MYO5A: variants seen among roughly 807,000 people sequenced by gnomAD.
The protein encoded by MYO5A is myosin VA.
In MYO5A, 98 loss-of-function variants were observed where a neutral mutation model predicts 249.7. The ratio of observed to expected loss-of-function variants is 0.39; its 90% CI spans 0.33 to 0.46. MYO5A has a LOEUF of 0.46. Among genes scored for constraint, MYO5A ranks in the 20% least tolerant of loss-of-function variants. The pLI is 0.98. For missense variants in MYO5A, 1,696 were observed against 2,308.8 expected (o/e 0.73, Z 5.44); for synonymous variants, 778 against 810.6 (o/e 0.96, Z 0.68).
At chr15:52,390,269 T>C (rs2042161468) in intron 12 of MYO5A, among the ~76,000 whole-genome samples, 1 of 152,180 alleles carries the variant, frequency 6.6e-6, no homozygotes, top group Non-Finnish European at 1.5e-5. Flanking sequence ...TATAATTGGA[T>C]TGTTTGTAAC....
chr15:52,434,921 C>T (rs1226774087), intron 1 of MYO5A, among the ~76,000 whole-genome samples: 2 of 152,194 alleles, frequency 1.3e-5, no homozygotes, highest in Non-Finnish European at 2.9e-5. Context: ...CATGTAAATT[C>T]ACCTCTAGAT....
chr15:52,504,802 T>C (rs1023462721), intron 1 of MYO5A, among the ~76,000 whole-genome samples: 9 of 151,766 alleles, frequency 5.9e-5, no homozygotes, highest in African/African-American at 2.2e-4. Context: ...AGGCAGAGAA[T>C]TGCTTGGACC....
intron 36 of MYO5A, 177 bp from the exon 37 acceptor site, chr15:52,323,621 G>C: frequency 1.8e-6 from 1 of 557,284 alleles, no homozygotes; most frequent in Non-Finnish European, 3.2e-6. Flanking sequence ...TCAGCGACCA[G>C]GTTCATCAGT....
intron 1 of MYO5A, among the ~76,000 whole-genome samples, chr15:52,497,618 G>A (rs4528515): frequency 0.15 from 22,599 of 150,584 alleles, 1,804 homozygotes; most frequent in Middle Eastern, 0.22. Flanking sequence ...TTAGCCGGGC[G>A]TGGCAGTGTG....
chr15:52,436,019 G>A (rs1339968747), intron 1 of MYO5A, among the ~76,000 whole-genome samples: 1 of 152,216 alleles, frequency 6.6e-6, no homozygotes, highest in Non-Finnish European at 1.5e-5. Flanking sequence ...TGGGGTTCAA[G>A]CGATTCTCCT....
At chr15:52,381,782 T>TCTCTCTCTCTCA (rs11280608) in intron 16 of MYO5A, among the ~76,000 whole-genome samples, 1 of 137,766 alleles carries the variant, frequency 7.3e-6, no homozygotes, top group East Asian at 2.8e-4. Flanking sequence ...TCTCTCTCTC[T>TCTCTCTCTCTCA]CACACACACA....
At chr15:52,512,087 C>T (rs1383459595) in intron 1 of MYO5A, among the ~76,000 whole-genome samples, 2 of 149,836 alleles carry the variant, frequency 1.3e-5, no homozygotes, top group South Asian at 2.1e-4. Flanking sequence ...GGCGTGAACC[C>T]GGGAGGTGGA....
chr15:52,428,437 C>T lies in MYO5A; in HGVS notation c.271G>A (p.Val91Ile), dbSNP rs1258207136. The T allele has an allele frequency of 1.2e-6, 2 of 1,614,054 alleles. No individual in the cohort carries two copies. The highest frequency in any genetic ancestry group is 1.7e-6 in the Non-Finnish European group (2 of 1,180,034). Residue 91 changes from valine (V) to isoleucine (I), a missense_variant, in exon 3 of 42, where the codon GTC becomes ATC. By Grantham distance (29) the Val-to-Ile change is conservative (BLOSUM62 3). Transcript: ENST00000399233. The part of the protein sequence containing the change: ...HEPAVLHNLR[V>I]RFIDSKLIYT... ...ATAAGTTTGGAATCAATAAAGCGGA[C>T]TCTGAGATTATGGAGCACAGCAGGC...
At chr15:52,364,772 C>A in intron 23 of MYO5A, 70 bp from the exon 24 acceptor site, 3 of 1,560,218 alleles carry the variant, frequency 1.9e-6, no homozygotes, top group Admixed American at 1.7e-5. Context: ...AACATGTATA[C>A]TGATTTCCAG....
rs2037679732 is a variant in MYO5A at position 52,308,297 on chromosome 15, T to A, written c.*5399A>T. On this transcript the variant is annotated 3_prime_UTR_variant, in exon 42 of 42. Coordinates refer to ENST00000399233, the MANE Select transcript of MYO5A (RefSeq NM_001382347.1). ...TAGTATTTTTCAGTTCCTCATCTAT[T>A]GAGAAATCTACTATAATTCAGGTTG... is the stretch of plus-strand genomic sequence containing the variant. 6.6e-6 allele frequency: 1 copy of A among 152,222 alleles called. No homozygotes were observed. The highest frequency in any genetic ancestry group is 2.4e-5 in the African/African-American group (1 of 41,468). The allele number at this position is 152,222 out of a possible 1,614,324, so 9.4% of individuals were successfully genotyped here. A position where few individuals can be genotyped will look rare whatever the true frequency, so the allele number is the denominator to read the frequency against.
Position 52,397,093 on chromosome 15 carries a change from TC to T in MYO5A, c.1319+107del, listed in dbSNP as rs2042521179. ...TTCTTGAATTGTCATAGGCAAAGTT[TC>T]CCTTCTCTTTACCAGTAGGAAACAG... On this transcript the variant is annotated intron_variant, in intron 10 of 41. Coordinates refer to ENST00000399233, the MANE Select transcript of MYO5A (RefSeq NM_001382347.1). The T allele has an allele frequency of 2.7e-5, 36 of 1,342,570 alleles. 1 individual carries two copies. The Middle Eastern group carries it at 4.5e-3, about 168-fold the overall frequency. The allele number at this position is 1,342,570 out of a possible 1,614,324, so 83.2% of individuals were successfully genotyped here.
chr15:52,353,264 CAGG>C (rs1271536867), intron 27 of MYO5A, among the ~76,000 whole-genome samples: 13 of 152,180 alleles, frequency 8.5e-5, no homozygotes, highest in Non-Finnish European at 1.5e-5. Context: ...TTGTGTGAAG[CAGG>C]AGAAGTCTGG....
At chr15:52,430,808 A>C (rs1172485399) in intron 2 of MYO5A, among the ~76,000 whole-genome samples, 1 of 152,222 alleles carries the variant, frequency 6.6e-6, no homozygotes, top group East Asian at 1.9e-4. Context: ...ATGAATAAGT[A>C]ATATAGCTAA....
chr15:52,491,447 T>A (rs982587702), intron 1 of MYO5A, among the ~76,000 whole-genome samples: 2 of 152,226 alleles, frequency 1.3e-5, no homozygotes, highest in African/African-American at 4.8e-5. Context: ...CATTTCCACC[T>A]ACATCATAAT....
At chr15:52,503,379 T>C (rs539332595) in intron 1 of MYO5A, among the ~76,000 whole-genome samples, 217 of 152,228 alleles carry the variant, frequency 1.4e-3, no homozygotes, top group African/African-American at 5.0e-3. Context: ...TGCCAGCACT[T>C]TGGGAGGCCA....
chr15:52,382,494 C>G (rs559226565), intron 16 of MYO5A, among the ~76,000 whole-genome samples: 243 of 152,232 alleles, frequency 1.6e-3, no homozygotes, highest in African/African-American at 5.7e-3. Flanking sequence ...TCACTTGAAC[C>G]TGGGAGGCAG....
At chr15:52,380,333 G>A (rs538036989) in intron 16 of MYO5A, among the ~76,000 whole-genome samples, 1 of 152,130 alleles carries the variant, frequency 6.6e-6, no homozygotes, top group East Asian at 1.9e-4. Context: ...CTACTTGGGA[G>A]GCTGAGGCAG....
rs572827745 is a variant in MYO5A, at chr15:52,459,906, C to CG, written c.28-26622dup. Among the ~76,000 whole-genome samples the CG allele has an allele frequency of 5.4e-3, 812 of 150,660 alleles. 10 individuals are homozygous for CG. The highest frequency in any genetic ancestry group is 0.019 in the African/African-American group (779 of 40,738). On this transcript the variant is annotated intron_variant, in intron 1 of 41. Transcript: ENST00000399233. The stretch of plus-strand genomic sequence containing the variant: ...CTTCCCAGACGGGGCGGTTGCCGGG[C>CG]GGAGGGGCTCCTCACTTCTCAGACG...
intron 6 of MYO5A, among the ~76,000 whole-genome samples, chr15:52,409,664 A>T (rs1459320875): frequency 6.6e-6 from 1 of 152,156 alleles, no homozygotes; most frequent in Non-Finnish European, 1.5e-5. Flanking sequence ...CCCAAATCTC[A>T]CAGCATGAGG....
Sources: allele counts gnomAD v4.1 joint callset (sites outside exome capture counted in the v4.1 genomes callset), GRCh38; gene constraint gnomAD v4.1.1; transcripts MANE v1.5; gene names NCBI Gene and HGNC (gene_info 2026-07-23, HGNC 2026-07-21).